The following AP4S1 variants were observed in gnomAD, a reference collection of about 807,000 sequenced individuals.
The protein encoded by AP4S1 is adaptor related protein complex 4 subunit sigma 1.
AP4S1 carries 23 observed loss-of-function variants against 19.8 expected under a neutral mutation model. The ratio of observed to expected loss-of-function variants is 1.16; its 90% confidence interval spans 0.84 to 1.65. The LOEUF is 1.65. Ranked by LOEUF, AP4S1 falls within the 40% of genes most tolerant of loss-of-function variation. AP4S1 has a pLI of 0.00. For missense variants in AP4S1, 166 were observed against 172.8 expected (o/e 0.96, Z 0.22); for synonymous variants, 46 against 54.1 (o/e 0.85, Z 0.66).
intron 5 of AP4S1, among the ~76,000 whole-genome samples, chr14:31,086,717 G>A (rs1197248419): frequency 6.6e-6 from 1 of 152,086 alleles, no homozygotes; most frequent in African/African-American, 2.4e-5. Context: ...CGCCCAGCCA[G>A]GAATGGCTTG....
intron 1 of AP4S1, among the ~76,000 whole-genome samples, chr14:31,043,534 G>T (rs1170379971): frequency 6.6e-6 from 1 of 152,142 alleles, no homozygotes; most frequent in Non-Finnish European, 1.5e-5. Context: ...ACCTACACTG[G>T]AGAGTAGGAT....
At chr14:31,061,892 G>A (rs1056560835) in intron 1 of AP4S1, among the ~76,000 whole-genome samples, 1 of 151,668 alleles carries the variant, frequency 6.6e-6, no homozygotes, top group African/African-American at 2.4e-5. Context: ...CGCCCGCCTC[G>A]GCCTCCCAAA....
rs1198900781 is a variant in AP4S1 at position 31,094,161 on chromosome 14, A to C, written c.*1126A>C. 1 of 153,460 alleles carries C rather than the reference A, an allele frequency of 6.5e-6. No individual in the cohort carries two copies. The highest frequency in any genetic ancestry group is 1.4e-5 in the Non-Finnish European group (1 of 69,160). 9.5% of individuals were successfully genotyped at this position (153,460 alleles called of 1,614,324 possible). On this transcript the variant is annotated 3_prime_UTR_variant, in exon 6 of 6. Transcript: ENST00000542754. Reference sequence around the variant, plus strand: ...GCTGGGATTACAAGCATGAGCCACCATGCCCAGCCAAGAGGTGTTTTTTGT... The same window carrying C: ...GCTGGGATTACAAGCATGAGCCACCCTGCCCAGCCAAGAGGTGTTTTTTGT...
chr14:31,058,094 G>A (rs893706512), intron 1 of AP4S1, among the ~76,000 whole-genome samples: 4 of 150,888 alleles, frequency 2.7e-5, no homozygotes, highest in Admixed American at 6.6e-5. Context: ...TTGTTTTTTC[G>A]CTTGTTTGTT....
chr14:31,086,802 T>C (rs1242594565), intron 5 of AP4S1, among the ~76,000 whole-genome samples: 1 of 152,136 alleles, frequency 6.6e-6, no homozygotes, highest in Non-Finnish European at 1.5e-5. Flanking sequence ...CCGGATACTT[T>C]GGAGCTAGGA....
At chr14:31,071,841 G>A (rs996606383) in intron 3 of AP4S1, among the ~76,000 whole-genome samples, 2 of 151,848 alleles carry the variant, frequency 1.3e-5, no homozygotes, top group East Asian at 1.9e-4. Context: ...TCACAATCCC[G>A]AGTACCTAAG....
chr14:31,091,140 T>G (rs1049155248), intron 5 of AP4S1, among the ~76,000 whole-genome samples: 2 of 152,208 alleles, frequency 1.3e-5, no homozygotes, highest in East Asian at 1.9e-4. Flanking sequence ...CAGCAGATCA[T>G]CTGCTTGCCA....
intron 1 of AP4S1, among the ~76,000 whole-genome samples, chr14:31,046,777 T>G (rs61976837): frequency 5.7e-5 from 8 of 141,364 alleles, no homozygotes; most frequent in Non-Finnish European, 1.0e-4. Flanking sequence ...ACCCAGGAGG[T>G]GGAGCTTGCA....
At chr14:31,039,321 G>A (rs1884961539) in intron 1 of AP4S1, among the ~76,000 whole-genome samples, 1 of 151,828 alleles carries the variant, frequency 6.6e-6, no homozygotes. Flanking sequence ...AAATAGCTGG[G>A]ATTACAGGTG....
At chr14:31,086,390 A>G (rs1215387146) in intron 5 of AP4S1, 2 of 152,276 alleles carry the variant, frequency 1.3e-5, no homozygotes, top group African/African-American at 4.8e-5. Flanking sequence ...GGAGCATGTG[A>G]TGACTTCAGG....
chr14:31,037,894 G>A (rs1884872456), intron 1 of AP4S1, among the ~76,000 whole-genome samples: 1 of 152,228 alleles, frequency 6.6e-6, no homozygotes. Flanking sequence ...CCAGGGTGTA[G>A]TGAGCTATGA....
chr14:31,071,647 T>C (rs1887008558), intron 3 of AP4S1, among the ~76,000 whole-genome samples: 2 of 152,114 alleles, frequency 1.3e-5, no homozygotes, highest in African/African-American at 4.8e-5. Flanking sequence ...CTCGATCTCC[T>C]GACCTCATGA....
chr14:31,087,833 G>T (rs952218536), intron 5 of AP4S1, among the ~76,000 whole-genome samples: 2 of 152,200 alleles, frequency 1.3e-5, no homozygotes, highest in African/African-American at 4.8e-5. Context: ...GAAAAAATTT[G>T]AGAGTATCTG....
At chr14:31,070,447 T>C (rs1363277001) in intron 3 of AP4S1, among the ~76,000 whole-genome samples, 2 of 151,808 alleles carry the variant, frequency 1.3e-5, no homozygotes, top group Non-Finnish European at 2.9e-5. Context: ...GGGATCTCAC[T>C]GTATTGCCCA....
chr14:31,049,065 A>G (rs1885581842), intron 1 of AP4S1, among the ~76,000 whole-genome samples: 2 of 151,622 alleles, frequency 1.3e-5, no homozygotes, highest in South Asian at 4.2e-4. Context: ...CCTGGCCAAC[A>G]TGGTGAAACC....
At chr14:31,085,777 A>G in intron 5 of AP4S1, 6 of 964,574 alleles carry the variant, frequency 6.2e-6, no homozygotes, top group Non-Finnish European at 7.4e-6. Context: ...GTCTTTAAAA[A>G]TAAAAATAAA....
At chr14:31,047,385 CTTTT>C (rs767480909) in intron 1 of AP4S1, among the ~76,000 whole-genome samples, 1 of 123,378 alleles carries the variant, frequency 8.1e-6, no homozygotes, top group Non-Finnish European at 1.7e-5. Context: ...GAGACACAAT[CTTTT>C]TTTTTTTTTT....
chr14:31,030,627 G>A (rs899669036), intron 1 of AP4S1, among the ~76,000 whole-genome samples: 3 of 152,110 alleles, frequency 2.0e-5, no homozygotes, highest in Non-Finnish European at 4.4e-5. Context: ...AAGATTACAG[G>A]CATAAGCCAC....
At position 31,075,113 on chromosome 14, in the gene AP4S1, C is replaced by T. The variant is rs188219815; in HGVS notation, c.294+2140C>T. On this transcript the variant is annotated intron_variant, in intron 4 of 5. Transcript: ENST00000542754. ...ATAGTCACCCTACTGATTTATCAAA[C>T]ACTAGGTCTTATTTCTTCTATCTAA... Among the ~76,000 whole-genome samples the T allele has an allele frequency of 2.6e-5, 4 of 152,246 alleles. No homozygotes were observed. In the East Asian group the frequency reaches 7.7e-4, roughly 29 times the overall value.
Sources: gnomAD v4.1 joint callset for allele counts (sites outside exome capture counted in the v4.1 genomes callset) on GRCh38, gnomAD v4.1.1 for gene constraint, MANE v1.5 for transcripts, NCBI Gene and HGNC (gene_info 2026-07-23, HGNC 2026-07-21) for gene names.